The following KCNIP4 variants were observed in gnomAD, a reference collection of about 807,000 sequenced individuals.
The protein encoded by KCNIP4 is potassium voltage-gated channel interacting protein 4, also known as Kv channel-interacting protein 4.
KCNIP4 carries 12 observed loss-of-function variants against 34.0 expected under a neutral mutation model. The observed-to-expected ratio is 0.35, with a 90% CI of 0.23 to 0.57. The LOEUF (loss-of-function observed/expected upper bound fraction) is 0.57, where lower values mean the gene tolerates loss of function less well. KCNIP4 is among the 20% of genes least tolerant of loss of function. The pLI is 0.83. For missense variants in KCNIP4, 238 were observed against 311.7 expected, an observed-to-expected ratio of 0.76 and a Z score of 1.78; for synonymous variants, 124 against 102.2, an observed-to-expected ratio of 1.21 and a Z score of -1.29.
At chr4:20,821,972 T>C (rs1023306393) in intron 3 of KCNIP4, among the ~76,000 whole-genome samples, 6 of 152,024 alleles carry the variant, frequency 3.9e-5, no homozygotes, top group African/African-American at 1.5e-4. Flanking sequence ...CAAATTGTGC[T>C]GCTATAAACA....
Position 20,764,681 on chromosome 4 carries a change from G to GACACACACACACACAC in KCNIP4, c.289-5807_289-5792dup, listed in dbSNP as rs5856578. Reference sequence around the variant, plus strand: ...ACCGACTAGAATCACATGGGAATTGGACACACACACACACACACACACACA... The same window carrying GACACACACACACACAC: ...ACCGACTAGAATCACATGGGAATTGGACACACACACACACACACACACACACACACACACACACACA... On this transcript the variant is annotated intron_variant, in intron 3 of 8. Coordinates refer to ENST00000382152, the MANE Select transcript of KCNIP4 (RefSeq NM_025221.6). Among the ~76,000 whole-genome samples, 251 of 147,210 alleles carry GACACACACACACACAC rather than the reference G, an allele frequency of 1.7e-3. 2 individuals carry two copies. Among genetic ancestry groups the GACACACACACACACAC allele is most frequent in the East Asian group, 0.014 (71 of 4,922 alleles).
At chr4:21,523,276 G>A in intron 1 of KCNIP4, among the ~76,000 whole-genome samples, 1 of 151,996 alleles carries the variant, frequency 6.6e-6, no homozygotes, top group East Asian at 1.9e-4. Flanking sequence ...TTTTTTATGT[G>A]TCAATGCCTC....
chr4:21,096,801 G>C (rs935527878), intron 1 of KCNIP4, among the ~76,000 whole-genome samples: 1 of 152,022 alleles, frequency 6.6e-6, no homozygotes, highest in African/African-American at 2.4e-5. Context: ...AAGCCTCTTA[G>C]AATTATACTT....
chr4:21,315,603 C>T (rs936026374), intron 1 of KCNIP4, among the ~76,000 whole-genome samples: 2 of 152,094 alleles, frequency 1.3e-5, no homozygotes, highest in Non-Finnish European at 2.9e-5. Flanking sequence ...ACATCAAGCT[C>T]CCAGACAGTA....
intron 1 of KCNIP4, among the ~76,000 whole-genome samples, chr4:21,143,662 T>C (rs373385481): frequency 1.8e-4 from 27 of 152,224 alleles, no homozygotes; most frequent in African/African-American, 6.5e-4. Flanking sequence ...ACACTTGGTG[T>C]TTTCAATGGA....
At chr4:20,997,858 T>C (rs561564025) in intron 1 of KCNIP4, among the ~76,000 whole-genome samples, 7 of 152,328 alleles carry the variant, frequency 4.6e-5, no homozygotes, top group South Asian at 2.1e-4. Context: ...AAGAAAACTC[T>C]TGAAGGGCCA....
At chr4:21,557,557 A>G (rs925088556) in intron 1 of KCNIP4, among the ~76,000 whole-genome samples, 1 of 152,100 alleles carries the variant, frequency 6.6e-6, no homozygotes, top group Non-Finnish European at 1.5e-5. Flanking sequence ...CAAATTAGAA[A>G]GCTGGAGAGA....
At chr4:21,778,522 C>A (rs575635901) in intron 1 of KCNIP4, among the ~76,000 whole-genome samples, 2 of 152,046 alleles carry the variant, frequency 1.3e-5, no homozygotes, top group Non-Finnish European at 2.9e-5. Flanking sequence ...AGCCACTGTG[C>A]TGGGTGTATA....
intron 1 of KCNIP4, among the ~76,000 whole-genome samples, chr4:21,752,106 T>A (rs964629729): frequency 2.0e-5 from 3 of 152,108 alleles, no homozygotes; most frequent in Admixed American, 2.0e-4. Flanking sequence ...CTCCACTTTA[T>A]AAGGGAAGAG....
At chr4:20,798,239 C>A (rs1039487406) in intron 3 of KCNIP4, among the ~76,000 whole-genome samples, 1 of 152,172 alleles carries the variant, frequency 6.6e-6, no homozygotes, top group Non-Finnish European at 1.5e-5. Context: ...TGTTCCTAAA[C>A]ATTATCAAAT....
intron 1 of KCNIP4, among the ~76,000 whole-genome samples, chr4:21,674,423 T>C (rs1275181105): frequency 6.6e-6 from 1 of 152,234 alleles, no homozygotes; most frequent in Admixed American, 6.5e-5. Context: ...GGTAATAGTG[T>C]ATGGCGATTA....
Position 21,218,453 on chromosome 4 carries a change from G to C in KCNIP4, c.62-335744C>G, listed in dbSNP as rs146952175. On this transcript the variant is annotated intron_variant, in intron 1 of 8. Coordinates refer to ENST00000382152, the MANE Select transcript of KCNIP4 (RefSeq NM_025221.6). ...GAATTTATTTGACATTTTCATCACT[G>C]TATTTATAGATTCTAGATAAAACTT... Among the ~76,000 whole-genome samples the C allele has an allele frequency of 1.7e-3, 260 of 151,974 alleles. 3 individuals carry two copies. Among genetic ancestry groups the C allele is most frequent in the East Asian group, 6.2e-3 (32 of 5,172 alleles).
chr4:20,745,787 G>A (rs1368136610), intron 5 of KCNIP4, among the ~76,000 whole-genome samples: 3 of 152,092 alleles, frequency 2.0e-5, no homozygotes, highest in Non-Finnish European at 4.4e-5. Flanking sequence ...CACTATGCTG[G>A]GGACAATCCT....
chr4:21,465,318 A>G (rs946994574), intron 1 of KCNIP4, among the ~76,000 whole-genome samples: 12 of 152,150 alleles, frequency 7.9e-5, no homozygotes, highest in African/African-American at 2.7e-4. Flanking sequence ...TGACATGCTC[A>G]GCAGGTACAT....
intron 1 of KCNIP4, among the ~76,000 whole-genome samples, chr4:21,073,695 G>C (rs1577643947): frequency 1.3e-5 from 2 of 152,290 alleles, no homozygotes; most frequent in East Asian, 3.9e-4. Context: ...TGGTGGGAGA[G>C]GGCGTCCCTG....
intron 1 of KCNIP4, among the ~76,000 whole-genome samples, chr4:21,743,096 T>C (rs1716527890): frequency 6.6e-6 from 1 of 152,188 alleles, no homozygotes; most frequent in Non-Finnish European, 1.5e-5. Context: ...AAAATACTTC[T>C]ATTAGTTTCC....
chr4:21,812,983 C>T (rs1721754001), intron 1 of KCNIP4, among the ~76,000 whole-genome samples: 1 of 152,090 alleles, frequency 6.6e-6, no homozygotes, highest in Non-Finnish European at 1.5e-5. Flanking sequence ...GTGTGTCATA[C>T]TCAGGATAAA....
At chr4:21,505,609 T>A (rs1733778195) in intron 1 of KCNIP4, among the ~76,000 whole-genome samples, 1 of 152,148 alleles carries the variant, frequency 6.6e-6, no homozygotes, top group Non-Finnish European at 1.5e-5. Flanking sequence ...GAAACTTTCT[T>A]CTCTGTTCTC....
chr4:21,265,426 G>A (rs115744014), intron 1 of KCNIP4, among the ~76,000 whole-genome samples: 45 of 152,190 alleles, frequency 3.0e-4, no homozygotes, highest in African/African-American at 9.6e-4. Context: ...ATAATTTCAC[G>A]ATCGGAGTTA....
Sources: gnomAD v4.1 joint callset for allele counts (sites outside exome capture counted in the v4.1 genomes callset) on GRCh38, gnomAD v4.1.1 for gene constraint, MANE v1.5 for transcripts, NCBI Gene and HGNC (gene_info 2026-07-23, HGNC 2026-07-21) for gene names.